ITGA6: variants seen among roughly 807,000 people sequenced by gnomAD.
ITGA6 encodes the protein integrin subunit alpha 6.
In ITGA6, 63 loss-of-function variants were observed where a neutral mutation model predicts 133.6. That is an observed-to-expected ratio of 0.47 (90% CI 0.38 to 0.58). The LOEUF (loss-of-function observed/expected upper bound fraction) is 0.58, where lower values mean the gene tolerates loss of function less well. Among genes scored for constraint, ITGA6 ranks in the 20% least tolerant of loss-of-function variants. ITGA6 has a pLI of 0.00. For synonymous variants in ITGA6, 434 were observed against 482.0 expected (o/e 0.90, Z 1.30); for missense variants, 1,068 against 1,309.4 (o/e 0.82, Z 2.85).
chr2:172,464,229 A>T (rs1039363457), intron 1 of ITGA6: 6 of 152,240 alleles, frequency 3.9e-5, no homozygotes, highest in African/African-American at 1.4e-4. Flanking sequence ...CACCTGCTGC[A>T]TGATATTGGT....
intron 10 of ITGA6, 28 bp from the exon 11 acceptor site, chr2:172,479,962 T>C: frequency 6.7e-7 from 1 of 1,500,278 alleles, no homozygotes; most frequent in Non-Finnish European, 9.3e-7. Flanking sequence ...ATGGATCTTT[T>C]AAGAAATATG....
In ITGA6 at chr2:172,504,270, A is replaced by G; in HGVS notation, c.*202A>G. 1 of 1,526,676 alleles carries G rather than the reference A, an allele frequency of 6.6e-7. No homozygotes were observed. 94.6% of individuals were successfully genotyped at this position (1,526,676 alleles called of 1,614,324 possible). A position where few individuals can be genotyped will look rare whatever the true frequency, so the allele number is the denominator to read the frequency against. The stretch of plus-strand genomic sequence containing the variant: ...ACTCATAGCGGGGGCCTAAAAAAAA[A>G]AAGCTTCACAGTACCCAAACTGCTT... On this transcript the variant is annotated 3_prime_UTR_variant, in exon 26 of 26. Transcript: ENST00000684293.
At chr2:172,465,850 C>G in intron 2 of ITGA6, 187 bp downstream of exon 2, 1 of 856,052 alleles carries the variant, frequency 1.2e-6, no homozygotes, top group Non-Finnish European at 1.8e-6. Flanking sequence ...ACTGGGATGC[C>G]GCGTGTTTTG....
chr2:172,427,481 G>A (rs985307253), upstream of ITGA6: 1 of 1,086,542 alleles, frequency 9.2e-7, no homozygotes, highest in Non-Finnish European at 1.1e-6. Flanking sequence ...GTAAGGTGCG[G>A]GCGGTGCGCC....
At position 172,427,724 on chromosome 2, in the gene ITGA6, C is replaced by G; in HGVS notation, c.-65C>G. 1 of 1,470,824 alleles carries G rather than the reference C, an allele frequency of 6.8e-7. No individual in the cohort carries two copies. The highest frequency in any genetic ancestry group is 9.0e-7 in the Non-Finnish European group (1 of 1,111,162). The allele number at this position is 1,470,824 out of a possible 1,614,324, so 91.1% of individuals were successfully genotyped here. ...TGCGGTAGCAGCAGCGCGGCAGCCT[C>G]GGACCCAGCCCGGAGCGCAGGGCGG... On this transcript the variant is annotated 5_prime_UTR_variant, in exon 1 of 26. Transcript: ENST00000684293.
At chr2:172,487,935 C>A in intron 17 of ITGA6, 26 bp from the exon 18 acceptor site, 1 of 1,599,658 alleles carries the variant, frequency 6.3e-7, no homozygotes, top group Non-Finnish European at 8.6e-7. Flanking sequence ...TAAAATACAA[C>A]CCTATTGTTT....
chr2:172,498,147 GT>G, intron 24 of ITGA6, 47 bp downstream of exon 24: 1 of 1,583,308 alleles, frequency 6.3e-7, no homozygotes. Context: ...TTTATTTCAT[GT>G]TTTAAAAAAT....
intron 11 of ITGA6, among the ~76,000 whole-genome samples, chr2:172,481,735 A>G (rs190201655): frequency 2.6e-5 from 4 of 152,288 alleles, no homozygotes; most frequent in African/African-American, 7.2e-5. Context: ...CTTCGTGCAC[A>G]GGGGGAGCTG....
intron 3 of ITGA6, among the ~76,000 whole-genome samples, chr2:172,468,009 C>T (rs1034885160): frequency 1.3e-5 from 2 of 152,092 alleles, no homozygotes; most frequent in Non-Finnish European, 2.9e-5. Context: ...CCTGTGATTC[C>T]TGATATACTT....
At chr2:172,451,804 T>C (rs1452131468) in intron 1 of ITGA6, among the ~76,000 whole-genome samples, 1 of 152,058 alleles carries the variant, frequency 6.6e-6, no homozygotes, top group Non-Finnish European at 1.5e-5. Context: ...TCGACCCTTA[T>C]GTTTGTGTTT....
At chr2:172,440,085 G>A (rs1173761761) in intron 1 of ITGA6, among the ~76,000 whole-genome samples, 1 of 152,196 alleles carries the variant, frequency 6.6e-6, no homozygotes, top group Admixed American at 6.5e-5. Context: ...CTTCACTGTT[G>A]TGTGGGTGTT....
At chr2:172,492,878 C>T (rs766952561) in intron 23 of ITGA6, among the ~76,000 whole-genome samples, 9 of 152,094 alleles carry the variant, frequency 5.9e-5, no homozygotes, top group Non-Finnish European at 1.0e-4. Flanking sequence ...GCAGTCCTTA[C>T]GATTTATTAT....
At chr2:172,498,216 T>TG in intron 24 of ITGA6, 116 bp downstream of exon 24, 2 of 1,090,466 alleles carry the variant, frequency 1.8e-6, no homozygotes, top group Non-Finnish European at 2.7e-6. Flanking sequence ...TCTAACATTA[T>TG]GAAACTCTTT....
chr2:172,436,687 A>G (rs557405110), intron 1 of ITGA6, among the ~76,000 whole-genome samples: 1 of 152,326 alleles, frequency 6.6e-6, no homozygotes, highest in African/African-American at 2.4e-5. Context: ...CCTGCCAGAG[A>G]AACCGTGGCC....
In ITGA6 at chr2:172,487,391, C is replaced by T; in HGVS notation, c.2098C>T (p.Leu700=). The change falls in exon 15 of 26, where the codon CTG becomes TTG. Residue 700 remains leucine (L), a synonymous_variant. Coordinates refer to ENST00000684293, the MANE Select transcript of ITGA6 (RefSeq NM_000210.4). ...KDGDDAHEAK[L]IATFPDTLTY... ...TGGCGATGACGCCCATGAGGCTAAA[C>T]TGATTGCAACGTTTCCAGACACTTT... The T allele has an allele frequency of 6.2e-7, 1 of 1,614,138 alleles. No individual in the cohort carries two copies. Among genetic ancestry groups the T allele is most frequent in the Non-Finnish European group, 8.5e-7 (1 of 1,179,972 alleles).
chr2:172,428,086 C>A (rs1314554027), intron 1 of ITGA6, 116 bp downstream of exon 1: 1 of 1,062,072 alleles, frequency 9.4e-7, no homozygotes, highest in Admixed American at 4.5e-5. Context: ...GGGTCGCGCC[C>A]GGGCCGGCCG....
At chr2:172,472,229 T>A (rs1337401061) in intron 5 of ITGA6, among the ~76,000 whole-genome samples, 1 of 152,248 alleles carries the variant, frequency 6.6e-6, no homozygotes, top group East Asian at 1.9e-4. Flanking sequence ...GAGCCTGAGG[T>A]AGGAGAATCA....
chr2:172,457,962 C>A (rs1256311679), intron 1 of ITGA6, among the ~76,000 whole-genome samples: 1 of 152,112 alleles, frequency 6.6e-6, no homozygotes, highest in African/African-American at 2.4e-5. Flanking sequence ...TAGAGTTCAT[C>A]ATGTGCCCCT....
intron 19 of ITGA6, among the ~76,000 whole-genome samples, chr2:172,489,197 A>G (rs78384320): frequency 2.7e-3 from 413 of 152,222 alleles, no homozygotes; most frequent in African/African-American, 9.3e-3. Flanking sequence ...CCCTGGGCGT[A>G]TGTTGAGAAC....
Sources: gnomAD v4.1 joint callset for allele counts (sites outside exome capture counted in the v4.1 genomes callset) on GRCh38, gnomAD v4.1.1 for gene constraint, MANE v1.5 for transcripts, NCBI Gene and HGNC (gene_info 2026-07-23, HGNC 2026-07-21) for gene names.